The following MRTFA variants were observed in gnomAD, a reference collection of about 807,000 sequenced individuals.
The protein encoded by MRTFA is myocardin related transcription factor A.
Under a neutral mutation model 83.5 loss-of-function variants are expected in MRTFA, and 20 were observed. The ratio of observed to expected loss-of-function variants is 0.24; its 90% confidence interval spans 0.17 to 0.35. The LOEUF (loss-of-function observed/expected upper bound fraction) is 0.35. Among genes scored for constraint, MRTFA ranks in the 10% least tolerant of loss-of-function variants. The pLI, the probability that MRTFA is intolerant of heterozygous loss-of-function variation, is 1.00. For missense variants in MRTFA, 1,200 were observed against 1,224.7 expected (o/e 0.98, Z 0.30); for synonymous variants, 659 against 541.2 (o/e 1.22, Z -3.02).
At chr22:40,458,538 G>A (rs550262285) in intron 4 of MRTFA, among the ~76,000 whole-genome samples, 2 of 152,284 alleles carry the variant, frequency 1.3e-5, no homozygotes, top group East Asian at 1.9e-4. Flanking sequence ...CAGATATGAC[G>A]ATGTCAGGAC....
rs750957615 is a variant in MRTFA at position 40,461,611 on chromosome 22, C to T, written c.307+1610G>A. On this transcript the variant is annotated intron_variant, in intron 4 of 14. Transcript: ENST00000355630. Reference sequence around the variant, plus strand: ...CAACCTGGCTCATACGGTGAAACCCCGTCTCTACTAAAAATACAAAAAAAA... The same window carrying T: ...CAACCTGGCTCATACGGTGAAACCCTGTCTCTACTAAAAATACAAAAAAAA... 2.7e-5 allele frequency among the ~76,000 whole-genome samples: 4 copies of T among 145,510 alleles called. No homozygotes were observed. In the Admixed American group the frequency reaches 2.8e-4, roughly 10 times the overall value.
intron 2 of MRTFA, among the ~76,000 whole-genome samples, chr22:40,592,170 G>A (rs1235496825): frequency 1.3e-5 from 2 of 149,120 alleles, no homozygotes; most frequent in South Asian, 2.1e-4. Flanking sequence ...GCTCATGCCT[G>A]TAAATCCCAA....
intron 1 of MRTFA, among the ~76,000 whole-genome samples, chr22:40,616,008 T>A (rs935005099): frequency 6.6e-6 from 1 of 152,220 alleles, no homozygotes; most frequent in Non-Finnish European, 1.5e-5. Context: ...AATTATTTCA[T>A]TAAGTTTATT....
chr22:40,562,973 T>C (rs936548684), intron 2 of MRTFA, among the ~76,000 whole-genome samples: 1 of 152,064 alleles, frequency 6.6e-6, no homozygotes, highest in Non-Finnish European at 1.5e-5. Flanking sequence ...AGTCCATAAA[T>C]TACTTGGCCT....
At chr22:40,514,436 G>A (rs1181250893) in intron 3 of MRTFA, among the ~76,000 whole-genome samples, 2 of 151,208 alleles carry the variant, frequency 1.3e-5, no homozygotes, top group Non-Finnish European at 2.9e-5. Flanking sequence ...GGGGAGGGGG[G>A]AGTTACAGAT....
intron 3 of MRTFA, among the ~76,000 whole-genome samples, chr22:40,527,032 G>A (rs1209891907): frequency 6.6e-6 from 1 of 151,900 alleles, no homozygotes; most frequent in Admixed American, 6.6e-5. Flanking sequence ...AGGCTGAGAT[G>A]GGAGGATTGC....
At chr22:40,569,353 CA>C in intron 2 of MRTFA, 1 of 215,042 alleles carries the variant, frequency 4.7e-6, no homozygotes, top group Middle Eastern at 5.0e-4. Flanking sequence ...GGCGCTTCCC[CA>C]ACCAGAACCA....
intron 3 of MRTFA, among the ~76,000 whole-genome samples, chr22:40,500,362 A>C (rs2054443000): frequency 1.6e-5 from 2 of 125,198 alleles, no homozygotes; most frequent in Admixed American, 7.9e-5. Context: ...TTTTTTTAAC[A>C]TTTCATTTTT....
At chr22:40,427,422 C>T (rs1373279365) in intron 7 of MRTFA, among the ~76,000 whole-genome samples, 1 of 152,136 alleles carries the variant, frequency 6.6e-6, no homozygotes, top group Non-Finnish European at 1.5e-5. Flanking sequence ...ATTCAGCATG[C>T]GTTGGGGGTC....
intron 2 of MRTFA, among the ~76,000 whole-genome samples, chr22:40,592,092 G>C (rs1292018527): frequency 1.3e-5 from 2 of 152,028 alleles, no homozygotes; most frequent in Non-Finnish European, 2.9e-5. Flanking sequence ...AGAATTTCAA[G>C]AGAAAATTTA....
chr22:40,420,725 CTG>C lies in MRTFA; in HGVS notation c.1181+120_1181+121del, dbSNP rs1393441877. The C allele has an allele frequency of 1.9e-6, 3 of 1,545,624 alleles. No homozygotes were observed. The African/African-American group carries it at 4.1e-5, about 21-fold the overall frequency. On this transcript the variant is annotated intron_variant, in intron 10 of 14. Transcript: ENST00000355630. Reference sequence around the variant, plus strand: ...AGGGTGGCCCTGCCTGCAGACCACTCTGTAGCATCCAGACCAGCGGGTCCTTA... The same window carrying C: ...AGGGTGGCCCTGCCTGCAGACCACTCTAGCATCCAGACCAGCGGGTCCTTA...
chr22:40,479,597 T>C (rs1398447685), intron 3 of MRTFA, among the ~76,000 whole-genome samples: 1 of 151,998 alleles, frequency 6.6e-6, no homozygotes, highest in Non-Finnish European at 1.5e-5. Flanking sequence ...AAATGTCAGG[T>C]TTTTCAAACT....
At chr22:40,583,660 T>G (rs977036047) in intron 2 of MRTFA, among the ~76,000 whole-genome samples, 11 of 152,292 alleles carry the variant, frequency 7.2e-5, no homozygotes, top group African/African-American at 2.6e-4. Flanking sequence ...TAGATTCTCA[T>G]AGGCAGCATT....
At chr22:40,470,333 G>A (rs1361911524) in intron 3 of MRTFA, among the ~76,000 whole-genome samples, 1 of 135,732 alleles carries the variant, frequency 7.4e-6, no homozygotes, top group Non-Finnish European at 1.5e-5. Context: ...TAAATATGCA[G>A]AAATTAAAGA....
intron 4 of MRTFA, among the ~76,000 whole-genome samples, chr22:40,437,700 T>G (rs1483512034): frequency 6.6e-6 from 1 of 150,912 alleles, no homozygotes; most frequent in African/African-American, 2.4e-5. Flanking sequence ...GAGGCAGAGG[T>G]TGCAGTGCGC....
chr22:40,618,876 T>C (rs1355623533), intron 1 of MRTFA, among the ~76,000 whole-genome samples: 1 of 151,038 alleles, frequency 6.6e-6, no homozygotes, highest in African/African-American at 2.4e-5. Context: ...GGTGGGAGAA[T>C]CTCGAACTCA....
intron 3 of MRTFA, among the ~76,000 whole-genome samples, chr22:40,483,791 CTCAA>C (rs2054131492): frequency 6.6e-6 from 1 of 152,220 alleles, no homozygotes; most frequent in East Asian, 1.9e-4. Context: ...ACCTCCCGGA[CTCAA>C]TCAGTCCTCC....
At chr22:40,565,793 G>A (rs2055694754) in intron 2 of MRTFA, among the ~76,000 whole-genome samples, 1 of 152,194 alleles carries the variant, frequency 6.6e-6, no homozygotes, top group African/African-American at 2.4e-5. Flanking sequence ...TAGATTAAAT[G>A]ACCAAAAGAG....
intron 3 of MRTFA, among the ~76,000 whole-genome samples, chr22:40,463,690 A>G (rs1340604391): frequency 2.0e-5 from 3 of 146,800 alleles, no homozygotes; most frequent in African/African-American, 5.5e-5. Context: ...GTTTACCACC[A>G]TAAGTATAGT....
Sources: gnomAD v4.1 joint callset for allele counts (sites outside exome capture counted in the v4.1 genomes callset) on GRCh38, gnomAD v4.1.1 for gene constraint, MANE v1.5 for transcripts, NCBI Gene and HGNC (gene_info 2026-07-23, HGNC 2026-07-21) for gene names.